Variants in BYSL observed in about 807,000 individuals in gnomAD.
BYSL encodes bystin.
A neutral mutation model predicts 45.4 loss-of-function variants in BYSL; 21 were observed. That is an observed-to-expected ratio of 0.46 (90% CI 0.33 to 0.67). The LOEUF is 0.67. Ranked by LOEUF, BYSL falls within the 30% of genes least tolerant of loss-of-function variation. The pLI is 0.02. For synonymous variants in BYSL, 215 were observed against 231.3 expected (o/e 0.93, Z 0.64); for missense variants, 522 against 578.5 (o/e 0.90, Z 1.00).
chr6:41,924,732 A>G (rs1354024857), intron 1 of BYSL, among the ~76,000 whole-genome samples: 1 of 152,222 alleles, frequency 6.6e-6, no homozygotes, highest in Non-Finnish European at 1.5e-5. Flanking sequence ...GATCAAATCA[A>G]ATATGTGTTT....
chr6:41,921,609 A>T lies in BYSL; in HGVS notation c.47A>T (p.His16Leu), dbSNP rs757443744. 9 of 1,602,484 alleles carry T rather than the reference A, an allele frequency of 5.6e-6. No homozygotes were observed. The highest frequency in any genetic ancestry group is 4.5e-5 in the East Asian group (2 of 44,558). ...AARGVGGQEK[H>L]APLADQILAG... Reference sequence around the variant, plus strand: ...CGTGGGGTGGGGGGTCAGGAAAAACATGCGCCCCTGGCCGATCAGATCCTG... The same window carrying T: ...CGTGGGGTGGGGGGTCAGGAAAAACTTGCGCCCCTGGCCGATCAGATCCTG... Residue 16 changes from histidine to leucine, a missense_variant, in exon 1 of 7, where the codon CAT becomes CTT. Coordinates refer to ENST00000230340, the MANE Select transcript of BYSL (RefSeq NM_004053.4).
At chr6:41,918,358 G>C (rs189737397), upstream of BYSL, among the ~76,000 whole-genome samples, 3 of 151,900 alleles carry the variant, frequency 2.0e-5, no homozygotes, top group Non-Finnish European at 4.4e-5. Flanking sequence ...ACAAAACTTA[G>C]CCAGGCATGG....
chr6:41,920,544 G>C (rs761354885), upstream of BYSL, among the ~76,000 whole-genome samples: 6 of 152,110 alleles, frequency 3.9e-5, no homozygotes, highest in Non-Finnish European at 8.8e-5. Context: ...ACCATTGATA[G>C]GTTCCTGGGA....
upstream of BYSL, chr6:41,917,893 C>A: frequency 2.5e-6 from 1 of 404,798 alleles, no homozygotes; most frequent in Non-Finnish European, 5.5e-6. Context: ...TTTCCATCAT[C>A]ACAGAAAGTG....
At chr6:41,928,267 T>A (rs1038413277) in intron 2 of BYSL, among the ~76,000 whole-genome samples, 29 of 152,156 alleles carry the variant, frequency 1.9e-4, no homozygotes. Context: ...TCTGACCCTG[T>A]GATATTAACA....
chr6:41,925,931 G>A (rs772157059), intron 1 of BYSL, among the ~76,000 whole-genome samples: 8 of 151,876 alleles, frequency 5.3e-5, no homozygotes, highest in Non-Finnish European at 1.0e-4. Flanking sequence ...TGATCCACCC[G>A]CCTTGGTCTC....
At chr6:41,920,958 C>T (rs748291704), upstream of BYSL, 6 of 1,596,172 alleles carry the variant, frequency 3.8e-6, no homozygotes, top group East Asian at 6.9e-5. Flanking sequence ...TCTTTCCGGC[C>T]TTTCACAACT....
At chr6:41,911,797 G>C in the BYSL span, among the ~76,000 whole-genome samples, 1 of 152,074 alleles carries the variant, frequency 6.6e-6, no homozygotes, top group Non-Finnish European at 1.5e-5. Flanking sequence ...CTGACTGCTT[G>C]CTGACAATTC....
At chr6:41,916,906 A>C, upstream of BYSL, 1 of 1,613,620 alleles carries the variant, frequency 6.2e-7, no homozygotes, top group Non-Finnish European at 8.5e-7. Flanking sequence ...TTTGCTGAAC[A>C]CTCTTGCCCT....
intron 1 of BYSL, among the ~76,000 whole-genome samples, 192 bp downstream of exon 1, chr6:41,922,022 C>T (rs1017583836): frequency 6.6e-6 from 1 of 152,148 alleles, no homozygotes; most frequent in African/African-American, 2.4e-5. Flanking sequence ...TCTAGACACC[C>T]CCGAAGTTAG....
chr6:41,918,669 C>T (rs1243304653), upstream of BYSL, among the ~76,000 whole-genome samples: 1 of 151,922 alleles, frequency 6.6e-6, no homozygotes, highest in Non-Finnish European at 1.5e-5. Flanking sequence ...AAAAAATGGC[C>T]GGGCGCGGTG....
the BYSL span, among the ~76,000 whole-genome samples, chr6:41,916,176 G>A: frequency 3.3e-5 from 5 of 151,278 alleles, no homozygotes; most frequent in Admixed American, 1.3e-4. Flanking sequence ...TGAGCCCAAG[G>A]GTCGAGGCTG....
upstream of BYSL, chr6:41,921,189 C>G: frequency 2.5e-6 from 2 of 812,222 alleles, no homozygotes; most frequent in East Asian, 2.9e-5. Flanking sequence ...TGGGGCGTGT[C>G]TCGGCACCCC....
At chr6:41,910,256 A>G in the BYSL span, among the ~76,000 whole-genome samples, 1 of 152,214 alleles carries the variant, frequency 6.6e-6, no homozygotes, top group African/African-American at 2.4e-5. Flanking sequence ...TCCAGTCTCT[A>G]AAATATGAGT....
In BYSL at chr6:41,931,766, C is replaced by A. The variant is rs763005319; in HGVS notation, c.904C>A (p.Leu302Ile). 3 of 1,614,140 alleles carry A rather than the reference C, an allele frequency of 1.9e-6. No individual in the cohort carries two copies. The highest frequency in any genetic ancestry group is 2.5e-6 in the Non-Finnish European group (3 of 1,180,020). ...ACTGTGCGAGTCTGGCACTTGTACC[C>A]TCCGGGAAGCCATCATTGTGGGTAG... ...IPLCESGTCT[L>I]REAIIVGSII... Residue 302 changes from leucine (L) to isoleucine (I), a missense_variant, in exon 6 of 7, where the codon CTC becomes ATC. Leu to Ile is a conservative substitution (Grantham distance 5). Transcript: ENST00000230340.
intron 5 of BYSL, 21 bp from the exon 6 acceptor site, chr6:41,931,707 C>T: frequency 6.2e-7 from 1 of 1,610,910 alleles, no homozygotes; most frequent in East Asian, 2.2e-5. Flanking sequence ...CTCACAGTGG[C>T]TGCCCTTTGA....
chr6:41,915,649 T>C, the BYSL span, among the ~76,000 whole-genome samples: 1 of 152,158 alleles, frequency 6.6e-6, no homozygotes, highest in African/African-American at 2.4e-5. Context: ...TAGCCCAGCG[T>C]AGTGGCAGGT....
In BYSL at chr6:41,927,363, C is replaced by G. The variant is rs1490627854; in HGVS notation, c.269-11C>G. 1 of 1,613,694 alleles carries G rather than the reference C, an allele frequency of 6.2e-7. No homozygotes were observed. Among genetic ancestry groups the G allele is most frequent in the Admixed American group, 1.7e-5 (1 of 59,978 alleles). On this transcript the variant is annotated splice_polypyrimidine_tract_variant and intron_variant, in intron 1 of 6. Transcript: ENST00000230340. ...TTGCTGTGCTCATCCATTTAGTCTC[C>G]CCTCTTCTAGGTCCAAGAATGCCTC...
At chr6:41,928,488 CCT>C (rs1775593526) in intron 2 of BYSL, among the ~76,000 whole-genome samples, 1 of 152,174 alleles carries the variant, frequency 6.6e-6, no homozygotes, top group South Asian at 2.1e-4. Context: ...CCCCAGAGAG[CCT>C]CTCAGGTTCT....
Sources: allele counts gnomAD v4.1 joint callset (sites outside exome capture counted in the v4.1 genomes callset), GRCh38; gene constraint gnomAD v4.1.1; transcripts MANE v1.5; gene names NCBI Gene and HGNC (gene_info 2026-07-23, HGNC 2026-07-21).